TMED6: variants seen among roughly 807,000 people sequenced by gnomAD.
TMED6 encodes transmembrane emp24 domain-containing protein 6.
TMED6 carries 17 observed loss-of-function variants against 26.5 expected under a neutral mutation model. The ratio of observed to expected loss-of-function variants is 0.64; its 90% CI spans 0.44 to 0.96. TMED6 has a LOEUF of 0.96. Among genes scored for constraint, TMED6 ranks in the 40% least tolerant of loss-of-function variants. The probability of loss-of-function intolerance (pLI) is 0.00; values close to 1 mark genes in which losing one functional copy is unlikely to be tolerated. For missense variants in TMED6, 309 were observed against 296.5 expected (o/e 1.04, Z -0.31); for synonymous variants, 107 against 106.2 (o/e 1.01, Z -0.04).
At chr16:69,349,747 C>T (rs1449849204) in intron 1 of TMED6, 96 bp from the exon 2 acceptor site, 4 of 1,497,212 alleles carry the variant, frequency 2.7e-6, no homozygotes, top group East Asian at 4.8e-5. Context: ...ATCAGCACAG[C>T]GGTCTCTGTC....
Position 69,347,910 on chromosome 16 carries a change from G to T in TMED6, c.367C>A (p.Gln123Lys), listed in dbSNP as rs377152463. The T allele has an allele frequency of 2.8e-5, 45 of 1,614,068 alleles. No homozygotes were observed. The highest frequency in any genetic ancestry group is 3.7e-5 in the Non-Finnish European group (44 of 1,179,986). ...TGCACAGAACCGAAGTGATTATGCT[G>T]ATTACTTAGACAAAGCTGATAAAAA... ...TGFYQLCLSN[Q>K]HNHFGSVQVY... The change falls in exon 3 of 4, where the codon CAG (glutamine) becomes AAG (lysine). Residue 123 changes from glutamine (Q) to lysine (K), a missense_variant. Transcript: ENST00000288025.
rs2142683986 is a variant in TMED6 at position 69,349,578 on chromosome 16, A to G, written c.287T>C (p.Ile96Thr). The change falls in exon 2 of 4, where the codon ATA becomes ACA. Residue 96 changes from isoleucine (I) to threonine (T), a missense_variant. Ile to Thr is a moderately conservative substitution (Grantham distance 89, BLOSUM62 -1). Coordinates refer to ENST00000288025, the MANE Select transcript of TMED6 (RefSeq NM_144676.4). ...GCCCCGAACACCCTGGGAGGTGTCT[A>G]TGAGAAATCCCTGTGGGTTATGTGC... ...ATAHNPQGFL[I>T]DTSQGVRGQI... The G allele has an allele frequency of 6.2e-7, 1 of 1,614,026 alleles. No homozygotes were observed. The highest frequency in any genetic ancestry group is 8.5e-7 in the Non-Finnish European group (1 of 1,179,966).
chr16:69,348,108 T>C (rs1480306381), intron 2 of TMED6, 172 bp from the exon 3 acceptor site: 8 of 637,612 alleles, frequency 1.3e-5, no homozygotes, highest in Admixed American at 3.0e-5. Flanking sequence ...ATGTTAAACT[T>C]ATACTAAATA....
Position 69,343,473 on chromosome 16 carries a change from T to C in TMED6, c.657A>G (p.Gln219=). ...TGAAGAGACGCTTCAAGAAATACAGTTGCAGGATCCCAGAAAGAATAATAA... is the reference window on the plus strand; with the variant it reads ...TGAAGAGACGCTTCAAGAAATACAGCTGCAGGATCCCAGAAAGAATAATAA... ...SLVIILSGIL[Q]LYFLKRLFNV... The change falls in exon 4 of 4, where the codon CAA becomes CAG. Residue 219 remains glutamine (Q), a synonymous_variant. Coordinates refer to ENST00000288025, the MANE Select transcript of TMED6 (RefSeq NM_144676.4). The C allele has an allele frequency of 1.9e-6, 3 of 1,614,176 alleles. No homozygotes were observed. The highest frequency in any genetic ancestry group is 1.7e-6 in the Non-Finnish European group (2 of 1,180,028).
At chr16:69,344,241 T>C (rs1401249576) in intron 3 of TMED6, among the ~76,000 whole-genome samples, 1 of 152,170 alleles carries the variant, frequency 6.6e-6, no homozygotes, top group East Asian at 1.9e-4. Flanking sequence ...TTCCAGGTGA[T>C]GTTTTATGTT....
In TMED6 at chr16:69,343,597, C is replaced by T. The variant is rs1411471404; in HGVS notation, c.533G>A (p.Arg178Gln). 3.1e-6 allele frequency: 5 copies of T among 1,614,162 alleles called. No homozygotes were observed. Among genetic ancestry groups the T allele is most frequent in the Middle Eastern group, 1.6e-4 (1 of 6,062 alleles). Reference protein sequence around the residue: ...KVQNNIFHMWRYYNFARMRKM... With the variant: ...KVQNNIFHMWQYYNFARMRKM... ...CCTCATCCGGGCAAAGTTGTAGTAT[C>T]GCCACATGTGAAAGATATTGTTCTG... is the stretch of plus-strand genomic sequence containing the variant. The change falls in exon 4 of 4, where the codon CGA becomes CAA. Residue 178 changes from arginine (R) to glutamine (Q), a missense_variant. By Grantham distance (43) the Arg-to-Gln change is conservative (BLOSUM62 1). Transcript: ENST00000288025.
intron 3 of TMED6, 64 bp from the exon 4 acceptor site, chr16:69,343,704 C>A: frequency 7.6e-7 from 1 of 1,308,384 alleles, no homozygotes; most frequent in Non-Finnish European, 1.1e-6. Context: ...CCTGAGCGCT[C>A]ACTAGCACTA....
At chr16:69,348,082 G>T in intron 2 of TMED6, 146 bp from the exon 3 acceptor site, 2 of 807,474 alleles carry the variant, frequency 2.5e-6, no homozygotes, top group South Asian at 2.0e-5. Flanking sequence ...TTTTTGACAT[G>T]GAAGACACGG....
Position 69,349,579 on chromosome 16 carries a change from T to C in TMED6, c.286A>G (p.Ile96Val). 3.7e-6 allele frequency: 6 copies of C among 1,613,858 alleles called. No individual in the cohort carries two copies. Among genetic ancestry groups the C allele is most frequent in the African/African-American group, 1.3e-5 (1 of 75,034 alleles). The part of the protein sequence containing the change: ...ATAHNPQGFL[I>V]DTSQGVRGQI... ...CCCCGAACACCCTGGGAGGTGTCTA[T>C]GAGAAATCCCTGTGGGTTATGTGCC... The change falls in exon 2 of 4, where the codon ATA becomes GTA. Residue 96 changes from isoleucine to valine, a missense_variant. Ile to Val is a conservative substitution (Grantham distance 29). Coordinates refer to ENST00000288025, the MANE Select transcript of TMED6 (RefSeq NM_144676.4).
At chr16:69,351,197 C>T (rs971060572) in intron 1 of TMED6, among the ~76,000 whole-genome samples, 4 of 152,158 alleles carry the variant, frequency 2.6e-5, no homozygotes, top group African/African-American at 9.7e-5. Context: ...CTCCAAAGCA[C>T]CATTATCCAA....
chr16:69,350,649 G>T (rs1163162807), intron 1 of TMED6, among the ~76,000 whole-genome samples: 1 of 152,086 alleles, frequency 6.6e-6, no homozygotes, highest in Non-Finnish European at 1.5e-5. Flanking sequence ...GCTCCCCAAT[G>T]ATGTCCCAGA....
intron 3 of TMED6, among the ~76,000 whole-genome samples, chr16:69,344,040 C>T (rs2012638189): frequency 6.6e-6 from 1 of 151,944 alleles, no homozygotes; most frequent in South Asian, 2.1e-4. Flanking sequence ...GCCATGTTGC[C>T]CAGGCTCATC....
chr16:69,344,386 G>A (rs183969597), intron 3 of TMED6, among the ~76,000 whole-genome samples: 1 of 152,328 alleles, frequency 6.6e-6, no homozygotes, highest in Admixed American at 6.5e-5. Flanking sequence ...CAGACAATAT[G>A]TAATTGTCAA....
Position 69,349,603 on chromosome 16 carries a change from C to G in TMED6, c.262G>C (p.Ala88Pro). The change falls in exon 2 of 4, where the codon GCA becomes CCA. Residue 88 changes from alanine to proline, a missense_variant. Transcript: ENST00000288025. ...ATGAGAAATCCCTGTGGGTTATGTG[C>G]CGTGGCAGCAACATGCCGGTCATGT... ...MSHDRHVAAT[A>P]HNPQGFLIDT... 1 of 1,613,928 alleles carries G rather than the reference C, an allele frequency of 6.2e-7. No individual in the cohort carries two copies.
intron 3 of TMED6, among the ~76,000 whole-genome samples, chr16:69,347,506 C>CAT: frequency 6.6e-6 from 1 of 152,170 alleles, no homozygotes; most frequent in African/African-American, 2.4e-5. Context: ...ATTACAGGTG[C>CAT]GCACCACCAC....
chr16:69,349,427 T>C, intron 2 of TMED6, 98 bp downstream of exon 2: 6 of 1,432,952 alleles, frequency 4.2e-6, no homozygotes, highest in Non-Finnish European at 5.6e-6. Context: ...GCTGAATTTT[T>C]TTCCTACTGT....
chr16:69,347,978 C>T, intron 2 of TMED6, 42 bp from the exon 3 acceptor site: 1 of 1,606,432 alleles, frequency 6.2e-7, no homozygotes, highest in Non-Finnish European at 8.5e-7. Context: ...TTGGTCTCCT[C>T]CCCTTTGTTA....
At position 69,343,389 on chromosome 16, in the gene TMED6, T is replaced by A; in HGVS notation, c.*18A>T. The A allele has an allele frequency of 3.7e-6, 6 of 1,605,280 alleles. No individual in the cohort carries two copies. Among genetic ancestry groups the A allele is most frequent in the East Asian group, 2.2e-5 (1 of 44,714 alleles). ...AAGCCCCAGAAGAAAACAGCCAGGG[T>A]GCTATAGTCACCTTAGCTTAGCATC... On this transcript the variant is annotated 3_prime_UTR_variant, in exon 4 of 4. Coordinates refer to ENST00000288025, the MANE Select transcript of TMED6 (RefSeq NM_144676.4).
At chr16:69,345,881 C>G (rs941437962) in intron 3 of TMED6, among the ~76,000 whole-genome samples, 4 of 151,950 alleles carry the variant, frequency 2.6e-5, no homozygotes, top group Admixed American at 2.6e-4. Flanking sequence ...AGGGTCTTAC[C>G]ATGTTTCCCA....
Sources: allele counts gnomAD v4.1 joint callset (sites outside exome capture counted in the v4.1 genomes callset), GRCh38; gene constraint gnomAD v4.1.1; transcripts MANE v1.5; gene names NCBI Gene and HGNC (gene_info 2026-07-23, HGNC 2026-07-21).